Variants in ANXA8 observed in about 807,000 individuals in gnomAD.
ANXA8 encodes annexin A8.
A neutral mutation model predicts 26.8 loss-of-function variants in ANXA8; 9 were observed. That is an observed-to-expected ratio of 0.34 (90% CI 0.20 to 0.59). The LOEUF (loss-of-function observed/expected upper bound fraction) is 0.59, where lower values mean the gene tolerates loss of function less well. Ranked by LOEUF, ANXA8 falls within the 20% of genes least tolerant of loss-of-function variation. The pLI, the probability that ANXA8 is intolerant of heterozygous loss-of-function variation, is 0.84. For missense variants in ANXA8, 83 were observed against 238.5 expected, an observed-to-expected ratio of 0.35 and a Z score of 4.29; for synonymous variants, 39 against 94.8, an observed-to-expected ratio of 0.41 and a Z score of 3.42.
At chr10:47,976,455 C>G in the ANXA8 span, among the ~76,000 whole-genome samples, 1 of 151,430 alleles carries the variant, frequency 6.6e-6, no homozygotes, top group Non-Finnish European at 1.5e-5. Context: ...CTCCTATAAT[C>G]CTAGCACTTT....
chr10:47,979,485 G>A, the ANXA8 span, among the ~76,000 whole-genome samples: 2 of 151,494 alleles, frequency 1.3e-5, no homozygotes, highest in South Asian at 2.1e-4. Context: ...TGACAAAAGG[G>A]GCTTTGCAGA....
chr10:47,688,559 C>A, the ANXA8 span, among the ~76,000 whole-genome samples: 1 of 151,504 alleles, frequency 6.6e-6, no homozygotes, highest in Non-Finnish European at 1.5e-5. Context: ...GTAACTGAGA[C>A]TATAGGCATG....
upstream of ANXA8, among the ~76,000 whole-genome samples, chr10:47,485,735 G>C (rs1349874743): frequency 6.6e-6 from 1 of 151,756 alleles, no homozygotes; most frequent in Non-Finnish European, 1.5e-5. Context: ...ATACTGACTT[G>C]CTCATGAGAA....
chr10:47,557,373 T>A, the ANXA8 span, among the ~76,000 whole-genome samples: 1 of 151,676 alleles, frequency 6.6e-6, no homozygotes, highest in East Asian at 1.9e-4. Flanking sequence ...ATGTCTGAAT[T>A]TTTATCTGAG....
the ANXA8 span, among the ~76,000 whole-genome samples, chr10:47,977,352 G>A: frequency 1.3e-5 from 2 of 151,168 alleles, no homozygotes; most frequent in South Asian, 2.1e-4. Context: ...CTGATTTTTG[G>A]AGATGCCACA....
At chr10:47,687,420 A>T in the ANXA8 span, among the ~76,000 whole-genome samples, 1 of 151,416 alleles carries the variant, frequency 6.6e-6, no homozygotes, top group Non-Finnish European at 1.5e-5. Flanking sequence ...TGGTGCCATC[A>T]CGCCCTGGTG....
chr10:47,676,265 A>T, the ANXA8 span, among the ~76,000 whole-genome samples: 4 of 151,910 alleles, frequency 2.6e-5, no homozygotes, highest in African/African-American at 9.7e-5. Context: ...GACATATTTG[A>T]AGAGACAATG....
At chr10:47,932,691 GCT>G in the ANXA8 span, among the ~76,000 whole-genome samples, 3,670 of 87,610 alleles carry the variant, frequency 0.042, 495 homozygotes, top group Middle Eastern at 0.065. Flanking sequence ...CAAAGAGCAT[GCT>G]CTCTCTCTCT....
At chr10:47,766,753 T>TA in the ANXA8 span, among the ~76,000 whole-genome samples, 1 of 83,908 alleles carries the variant, frequency 1.2e-5, no homozygotes, top group Non-Finnish European at 2.4e-5. Context: ...GCCCGGGGGC[T>TA]CTGAGACCTG....
the ANXA8 span, among the ~76,000 whole-genome samples, chr10:47,777,106 A>T: frequency 8.6e-5 from 13 of 151,954 alleles, no homozygotes. Context: ...GTATCTCCAG[A>T]TAAAAAAACA....
the ANXA8 span, among the ~76,000 whole-genome samples, chr10:47,586,792 C>T: frequency 6.8e-6 from 1 of 146,258 alleles, no homozygotes; most frequent in Non-Finnish European, 1.5e-5. Flanking sequence ...TTTTCTATCT[C>T]CCACTTCCAT....
At chr10:47,776,902 C>T in the ANXA8 span, among the ~76,000 whole-genome samples, 1 of 151,474 alleles carries the variant, frequency 6.6e-6, no homozygotes, top group Non-Finnish European at 1.5e-5. Context: ...TTCTCTATCC[C>T]TAGGTATTGT....
chr10:47,899,434 C>CA, the ANXA8 span, among the ~76,000 whole-genome samples: 1 of 69,036 alleles, frequency 1.4e-5, no homozygotes, highest in Non-Finnish European at 2.8e-5. Flanking sequence ...GGCTGAAGTG[C>CA]AGTGGCATGA....
At chr10:47,703,291 T>C in the ANXA8 span, among the ~76,000 whole-genome samples, 1 of 150,908 alleles carries the variant, frequency 6.6e-6, no homozygotes, top group African/African-American at 2.4e-5. Context: ...TTACTGGCCA[T>C]GCTCAGTGGT....
chr10:47,653,678 C>T, the ANXA8 span, among the ~76,000 whole-genome samples: 3 of 149,322 alleles, frequency 2.0e-5, no homozygotes, highest in African/African-American at 7.7e-5. Context: ...CAGAGTCTCG[C>T]TCTGTCGCCC....
At chr10:47,761,102 G>GCACACACACACACACA in the ANXA8 span, among the ~76,000 whole-genome samples, 6 of 145,554 alleles carry the variant, frequency 4.1e-5, no homozygotes, top group East Asian at 8.5e-4. Context: ...ACACACACAC[G>GCACACACACACACACA]CACACACACA....
the ANXA8 span, among the ~76,000 whole-genome samples, chr10:47,587,211 A>T: frequency 4.1e-5 from 6 of 147,496 alleles, no homozygotes; most frequent in South Asian, 2.1e-4. Context: ...CTCAAAAAAA[A>T]AAAAAATAAA....
At chr10:47,691,636 G>C in the ANXA8 span, among the ~76,000 whole-genome samples, 2 of 150,668 alleles carry the variant, frequency 1.3e-5, no homozygotes, top group African/African-American at 2.5e-5. Context: ...TTGCGTGCCT[G>C]TAGTCCCAGC....
At chr10:47,487,181 T>C, upstream of ANXA8, 1 of 993,350 alleles carries the variant, frequency 1.0e-6, no homozygotes, top group Non-Finnish European at 1.5e-6. Flanking sequence ...CTTTGCCTAG[T>C]GTTTCCATCC....
Sources: allele counts gnomAD v4.1 joint callset (sites outside exome capture counted in the v4.1 genomes callset), GRCh38; gene constraint gnomAD v4.1.1; transcripts MANE v1.5; gene names NCBI Gene and HGNC (gene_info 2026-07-23, HGNC 2026-07-21).